Variants in TRMT44 observed in about 807,000 individuals in gnomAD.
TRMT44 encodes tRNA methyltransferase 44 homolog.
TRMT44 carries 78 observed loss-of-function variants against 77.3 expected under a neutral mutation model. The observed-to-expected ratio is 1.01, with a 90% confidence interval of 0.84 to 1.22. The LOEUF (loss-of-function observed/expected upper bound fraction) is 1.22, where lower values mean the gene tolerates loss of function less well. Among genes scored for constraint, TRMT44 ranks in the 50% most tolerant of loss-of-function variants. The pLI, the probability that TRMT44 is intolerant of heterozygous loss-of-function variation, is 0.00. For missense variants in TRMT44, 1,090 were observed against 964.4 expected, an observed-to-expected ratio of 1.13 and a Z score of -1.73; for synonymous variants, 391 against 383.3, an observed-to-expected ratio of 1.02 and a Z score of -0.23.
chr4:8,500,782 C>T, the TRMT44 span, among the ~76,000 whole-genome samples: 56 of 152,132 alleles, frequency 3.7e-4, no homozygotes, highest in African/African-American at 1.3e-3. Context: ...CTCAGCCTCC[C>T]GAGTAGCTGG....
intron 2 of TRMT44, among the ~76,000 whole-genome samples, chr4:8,484,050 G>T (rs1727723357): frequency 6.6e-6 from 1 of 152,188 alleles, no homozygotes; most frequent in African/African-American, 2.4e-5. Flanking sequence ...GAGATTTCCA[G>T]GATGGAAAGG....
rs532797174 is a variant in TRMT44 at position 8,468,136 on chromosome 4, G to A, written c.1717G>A (p.Ala573Thr). Residue 573 changes from alanine to threonine, a missense_variant, in exon 9 of 11, where the codon GCT (alanine) becomes ACT (threonine). Transcript: ENST00000389737. Reference sequence around the variant, plus strand: ...CGGGTGTGTAACCAGGGCCTGGGCCGCTGAGCATGGAGCAGGGCCCCAGGC... The same window carrying A: ...CGGGTGTGTAACCAGGGCCTGGGCCACTGAGCATGGAGCAGGGCCCCAGGC... ...RVGCVTRAWA[A>T]EHGAGPQAEG... is the part of the protein sequence containing the mutation. The A allele has an allele frequency of 2.7e-5, 43 of 1,613,916 alleles. No homozygotes were observed. In the South Asian group the frequency reaches 3.7e-4, roughly 14 times the overall value.
At chr4:8,499,662 A>C in the TRMT44 span, among the ~76,000 whole-genome samples, 1 of 152,196 alleles carries the variant, frequency 6.6e-6, no homozygotes, top group East Asian at 1.9e-4. Flanking sequence ...TGAAACCAAC[A>C]ATAAACTAAA....
chr4:8,514,324 G>C, the TRMT44 span, among the ~76,000 whole-genome samples: 1 of 144,060 alleles, frequency 6.9e-6, no homozygotes, highest in Non-Finnish European at 1.5e-5. Flanking sequence ...GTGTGATCTC[G>C]GCTCACTGCA....
chr4:8,467,833 C>T (rs1449418574), intron 8 of TRMT44, 81 bp from the exon 9 acceptor site: 5 of 1,421,028 alleles, frequency 3.5e-6, no homozygotes, highest in African/African-American at 1.4e-5. Flanking sequence ...GTGATTTGTA[C>T]TCCAGGATGA....
chr4:8,487,642 G>C (rs1199912068), intron 2 of TRMT44, among the ~76,000 whole-genome samples: 1 of 152,120 alleles, frequency 6.6e-6, no homozygotes, highest in Non-Finnish European at 1.5e-5. Context: ...GTGGAAATAA[G>C]GGATTGGGGG....
At position 8,488,695 on chromosome 4, in the gene TRMT44, C is replaced by T. The variant is rs1026121641; in HGVS notation, n.3892-4571C>T. Reference sequence around the variant, plus strand: ...AGGGGATGCGATGGCTTGGCTTGGGCTCAGAGGCCTGACAACCCCAAGCTC... The same window carrying T: ...AGGGGATGCGATGGCTTGGCTTGGGTTCAGAGGCCTGACAACCCCAAGCTC... On this transcript the variant is annotated intron_variant and non_coding_transcript_variant, in intron 2 of 2. Coordinates refer to the TRMT44 transcript ENST00000511366. 5.5e-4 allele frequency among the ~76,000 whole-genome samples: 84 copies of T among 152,346 alleles called. 1 individual carries two copies. Among genetic ancestry groups the T allele is most frequent in the Non-Finnish European group, 1.0e-3 (69 of 68,036 alleles).
chr4:8,501,965 G>A, the TRMT44 span, among the ~76,000 whole-genome samples: 21 of 152,314 alleles, frequency 1.4e-4, no homozygotes, highest in East Asian at 3.9e-3. The surrounding 1 kb of genome is among the most constrained non-coding windows in gnomAD (Gnocchi z 4.4). Context: ...GCCTCTTCCC[G>A]GGTCCCTGGG....
chr4:8,454,941 A>G (rs562867355), intron 6 of TRMT44, 128 bp downstream of exon 6: 1 of 832,246 alleles, frequency 1.2e-6, no homozygotes, highest in Admixed American at 2.3e-5. Context: ...ACATTAATCT[A>G]AGTGCTCTGA....
rs567439952 is a variant in TRMT44, at chr4:8,475,983, G to A, written c.2256G>A (p.Pro752=). ...PAELRPPRTT[P]RKKIS is the part of the protein sequence containing the mutation. ...AGCTGCGGCCACCCCGGACCACCCC[G>A]AGGAAGAAGATTTCATGAGCTGCAT... Residue 752 remains proline (P), a synonymous_variant, in exon 11 of 11, where the codon CCG becomes CCA. Coordinates refer to ENST00000389737, the MANE Select transcript of TRMT44 (RefSeq NM_152544.3). The A allele has an allele frequency of 5.6e-6, 9 of 1,613,892 alleles. No individual in the cohort carries two copies. Among genetic ancestry groups the A allele is most frequent in the Admixed American group, 1.7e-5 (1 of 60,018 alleles).
At chr4:8,465,351 C>T (rs1726458324) in intron 7 of TRMT44, 27 bp from the exon 8 acceptor site, 4 of 1,594,580 alleles carry the variant, frequency 2.5e-6, no homozygotes, top group Non-Finnish European at 3.4e-6. Context: ...GGATGCTTGA[C>T]CCTGTGGTTG....
At chr4:8,501,588 G>A in the TRMT44 span, among the ~76,000 whole-genome samples, 580 of 152,296 alleles carry the variant, frequency 3.8e-3, 4 homozygotes, top group Non-Finnish European at 6.9e-3. This position sits in a 1 kb window ranked among gnomAD's most constrained non-coding sequence, Gnocchi z 4.4. Flanking sequence ...GAGGGTTAGC[G>A]ATTTCACACA....
In TRMT44 at chr4:8,440,784, C is replaced by T. The variant is rs1168111939; in HGVS notation, c.-39C>T. ...GCCGCGCCACCGGGCTGCGTCATCT[C>T]GGCGCGCCGCTGCCAGGGCTGTACA... is the stretch of plus-strand genomic sequence containing the variant. On this transcript the variant is annotated 5_prime_UTR_variant, in exon 1 of 11. Coordinates refer to ENST00000389737, the MANE Select transcript of TRMT44 (RefSeq NM_152544.3). 1.6e-5 allele frequency: 22 copies of T among 1,380,698 alleles called. No homozygotes were observed. Among genetic ancestry groups the T allele is most frequent in the Non-Finnish European group, 2.0e-5 (21 of 1,072,362 alleles). The allele number at this position is 1,380,698 out of a possible 1,614,324, so 85.5% of individuals were successfully genotyped here. A position where few individuals can be genotyped will look rare whatever the true frequency, so the allele number is the denominator to read the frequency against.
intron 10 of TRMT44, among the ~76,000 whole-genome samples, chr4:8,472,056 C>G (rs1214423857): frequency 6.7e-6 from 1 of 148,726 alleles, no homozygotes. Context: ...AAAGCAAATT[C>G]TAGCTAGCAT....
At position 8,493,084 on chromosome 4, in the gene TRMT44, A is replaced by C. The variant is rs956300755; in HGVS notation, n.3892-182A>C. Among the ~76,000 whole-genome samples, 4 of 151,718 alleles carry C rather than the reference A, an allele frequency of 2.6e-5. No individual in the cohort carries two copies. In the East Asian group the frequency reaches 5.8e-4, roughly 22 times the overall value. On this transcript the variant is annotated intron_variant and non_coding_transcript_variant, in intron 2 of 2. Coordinates refer to the TRMT44 transcript ENST00000511366. ...TAACTTTGAAACAAAGACAATAACA[A>C]CTCTTTTCCAAAACAAAGTCCCTGC...
chr4:8,449,596 G>A lies in TRMT44; in HGVS notation c.735-73G>A, dbSNP rs1325051992. The A allele has an allele frequency of 5.8e-6, 7 of 1,212,588 alleles. No individual in the cohort carries two copies. In the East Asian group the frequency reaches 1.6e-4, roughly 27 times the overall value. 75.1% of individuals were successfully genotyped at this position (1,212,588 alleles called of 1,614,324 possible). On this transcript the variant is annotated intron_variant, in intron 2 of 10. Coordinates refer to ENST00000389737, the MANE Select transcript of TRMT44 (RefSeq NM_152544.3). ...TCTTAGCTTCTGTTTTCTTCATTAG[G>A]TAAATAAATAGATAATTTTAAAATA...
At chr4:8,462,878 C>A (rs1726260471) in intron 6 of TRMT44, among the ~76,000 whole-genome samples, 1 of 152,150 alleles carries the variant, frequency 6.6e-6, no homozygotes, top group Non-Finnish European at 1.5e-5. Context: ...AAACTTAAAT[C>A]TAGAATGAGT....
Position 8,440,928 on chromosome 4 carries a change from A to G in TRMT44, c.106A>G (p.Lys36Glu), listed in dbSNP as rs778924433. 5.9e-6 allele frequency: 9 copies of G among 1,530,494 alleles called. No individual in the cohort carries two copies. In the South Asian group the frequency reaches 9.6e-5, roughly 16 times the overall value. The allele number at this position is 1,530,494 out of a possible 1,614,324, so 94.8% of individuals were successfully genotyped here. ...VWLERPQVAN[K>E]RLCGARLEAR... The stretch of plus-strand genomic sequence containing the variant: ...GCTGGAGAGGCCGCAGGTGGCAAAC[A>G]AACGGCTTTGCGGCGCCCGCCTGGA... The change falls in exon 1 of 11, where the codon AAA becomes GAA. Residue 36 changes from lysine (K) to glutamate (E), a missense_variant. Physicochemically the swap from Lys to Glu is moderately conservative, Grantham distance 56. Transcript: ENST00000389737.
At position 8,483,417 on chromosome 4, in the gene TRMT44, TG is replaced by T. The variant is rs368181097; in HGVS notation, n.3891+3893del. 9.9e-3 allele frequency among the ~76,000 whole-genome samples: 1,481 copies of T among 150,166 alleles called. 6 individuals are homozygous for T. The highest frequency in any genetic ancestry group is 0.033 in the South Asian group (158 of 4,730). On this transcript the variant is annotated intron_variant and non_coding_transcript_variant, in intron 2 of 2. Transcript: ENST00000511366. ...AGATAGTAGGGTTGACAAGTTTTTT[TG>T]GGGGGGGGCACGGTCTAAGTTGGTC... is the stretch of plus-strand genomic sequence containing the variant.
Sources: allele counts gnomAD v4.1 joint callset (sites outside exome capture counted in the v4.1 genomes callset), GRCh38; gene constraint gnomAD v4.1.1; non-coding constraint Gnocchi (gnomAD v3.1); transcripts MANE v1.5; gene names NCBI Gene and HGNC (gene_info 2026-07-23, HGNC 2026-07-21).